CSMD3: variants seen among roughly 807,000 people sequenced by gnomAD.
The protein encoded by CSMD3 is CUB and Sushi multiple domains 3.
CSMD3 carries 177 observed loss-of-function variants against 435.2 expected under a neutral mutation model. The observed-to-expected ratio is 0.41, with a 90% CI of 0.36 to 0.46. The LOEUF is 0.46. Among genes scored for constraint, CSMD3 ranks in the 20% least tolerant of loss-of-function variants. The pLI is 0.34. For missense variants in CSMD3, 4,265 were observed against 4,504.6 expected (o/e 0.95, Z 1.52); for synonymous variants, 1,656 against 1,520.5 (o/e 1.09, Z -2.07).
chr8:113,244,840 T>C (rs1312959323), intron 3 of CSMD3, among the ~76,000 whole-genome samples: 2 of 152,214 alleles, frequency 1.3e-5, no homozygotes, highest in African/African-American at 4.8e-5. Flanking sequence ...TCAAGTCTTC[T>C]ATTTTCTCAT....
At chr8:113,362,638 TCCC>T (rs1211736048) in intron 1 of CSMD3, among the ~76,000 whole-genome samples, 8 of 152,334 alleles carry the variant, frequency 5.3e-5, no homozygotes, top group African/African-American at 1.9e-4. Flanking sequence ...TCCACCCTGT[TCCC>T]TTTTCTCAGT....
chr8:113,147,878 A>ACC (rs2091713736), intron 4 of CSMD3, among the ~76,000 whole-genome samples: 1 of 151,606 alleles, frequency 6.6e-6, no homozygotes, highest in Non-Finnish European at 1.5e-5. Context: ...TCAGCACATT[A>ACC]TTACCTCTCC....
intron 3 of CSMD3, among the ~76,000 whole-genome samples, chr8:113,219,065 G>C (rs2092938180): frequency 1.3e-5 from 2 of 151,054 alleles, no homozygotes; most frequent in African/African-American, 4.9e-5. Context: ...AGGAATGGAT[G>C]GATATTTCCT....
chr8:112,482,177 CT>C (rs1230215328), intron 31 of CSMD3, among the ~76,000 whole-genome samples: 1 of 152,140 alleles, frequency 6.6e-6, no homozygotes, highest in Non-Finnish European at 1.5e-5. Context: ...TCCCTCAGTG[CT>C]CTGTGAGCTG....
intron 1 of CSMD3, among the ~76,000 whole-genome samples, chr8:113,428,186 T>C (rs537964131): frequency 6.6e-6 from 1 of 151,302 alleles, no homozygotes; most frequent in East Asian, 1.9e-4. Flanking sequence ...TTAAGTTATG[T>C]GTTACTCCAA....
At chr8:112,480,672 C>T (rs1052768030) in intron 31 of CSMD3, among the ~76,000 whole-genome samples, 2 of 152,090 alleles carry the variant, frequency 1.3e-5, no homozygotes, top group East Asian at 3.9e-4. Context: ...GTCTAATCCC[C>T]CTTCACCTTC....
intron 1 of CSMD3, among the ~76,000 whole-genome samples, chr8:113,393,117 A>G (rs2094468581): frequency 1.3e-5 from 2 of 151,980 alleles, no homozygotes; most frequent in South Asian, 2.1e-4. Context: ...GCATGCTTCA[A>G]AACTACTCCT....
intron 7 of CSMD3, among the ~76,000 whole-genome samples, chr8:112,974,474 A>T (rs1281020503): frequency 6.6e-6 from 1 of 151,890 alleles, no homozygotes; most frequent in Admixed American, 6.6e-5. Flanking sequence ...AGAATGAAAA[A>T]ATAGTTTTTA....
intron 2 of CSMD3, among the ~76,000 whole-genome samples, chr8:113,291,998 C>A (rs1245396124): frequency 1.3e-5 from 2 of 151,614 alleles, no homozygotes. Context: ...TGTTTTTAAG[C>A]CAATATCCAC....
At chr8:112,622,043 G>C (rs1477531371) in intron 22 of CSMD3, among the ~76,000 whole-genome samples, 1 of 152,070 alleles carries the variant, frequency 6.6e-6, no homozygotes, top group East Asian at 1.9e-4. Context: ...AAAAGCAGTG[G>C]AAGAACACAT....
intron 35 of CSMD3, 42 bp from the exon 36 acceptor site, chr8:112,390,830 C>T (rs754579815): frequency 5.0e-6 from 8 of 1,588,378 alleles, no homozygotes; most frequent in Non-Finnish European, 5.2e-6. Flanking sequence ...AATTCTAATG[C>T]AAAGGATTAA....
chr8:113,003,315 T>C lies in CSMD3; in HGVS notation c.1030+15752A>G, dbSNP rs2085937728. ...TTCAGTTACTAATTTTTCTTATTTG[T>C]TGTTTGCTTATTTTTCCTTCAATTT... On this transcript the variant is annotated intron_variant, in intron 6 of 70. Transcript: ENST00000297405. 3.9e-5 allele frequency among the ~76,000 whole-genome samples: 6 copies of C among 152,190 alleles called. No individual in the cohort carries two copies. The South Asian group carries it at 1.2e-3, about 31-fold the overall frequency.
intron 12 of CSMD3, among the ~76,000 whole-genome samples, chr8:112,811,714 G>C (rs1290268132): frequency 6.6e-6 from 1 of 152,132 alleles, no homozygotes; most frequent in African/African-American, 2.4e-5. Flanking sequence ...TCACAATCTG[G>C]CTTAATTTTT....
intron 53 of CSMD3, among the ~76,000 whole-genome samples, chr8:112,299,876 G>C (rs924699878): frequency 1.2e-4 from 18 of 151,894 alleles, no homozygotes; most frequent in Admixed American, 9.9e-4. Flanking sequence ...CTTAGACTAA[G>C]AGGCAATATT....
chr8:113,356,410 G>A (rs762974154), intron 1 of CSMD3, among the ~76,000 whole-genome samples: 2 of 152,028 alleles, frequency 1.3e-5, no homozygotes, highest in Non-Finnish European at 1.5e-5. Flanking sequence ...GAAAAAATTG[G>A]TCAGCTTTTT....
At chr8:112,488,062 T>A (rs1820312999) in intron 31 of CSMD3, among the ~76,000 whole-genome samples, 1 of 152,198 alleles carries the variant, frequency 6.6e-6, no homozygotes, top group Admixed American at 6.5e-5. Flanking sequence ...TATCATCAGC[T>A]AAACTGCAAA....
chr8:113,403,889 C>A (rs1231533697), intron 1 of CSMD3, among the ~76,000 whole-genome samples: 2 of 151,412 alleles, frequency 1.3e-5, no homozygotes, highest in African/African-American at 4.8e-5. Flanking sequence ...ATGGCCAAAT[C>A]GTATTTTATG....
chr8:113,414,130 T>C (rs1279880445), intron 1 of CSMD3, among the ~76,000 whole-genome samples: 1 of 152,152 alleles, frequency 6.6e-6, no homozygotes, highest in Non-Finnish European at 1.5e-5. Context: ...GAGGATAAGA[T>C]CTAGCTGTGC....
chr8:112,994,907 C>T (rs1467998186), intron 6 of CSMD3, among the ~76,000 whole-genome samples: 1 of 151,314 alleles, frequency 6.6e-6, no homozygotes, highest in African/African-American at 2.4e-5. Flanking sequence ...GTCTTTTATT[C>T]TTATATTTGA....
Sources: gnomAD v4.1 joint callset for allele counts (sites outside exome capture counted in the v4.1 genomes callset) on GRCh38, gnomAD v4.1.1 for gene constraint, MANE v1.5 for transcripts, NCBI Gene and HGNC (gene_info 2026-07-23, HGNC 2026-07-21) for gene names.